The following ASXL2 variants were observed in gnomAD, a reference collection of about 807,000 sequenced individuals.
The protein encoded by ASXL2 is ASXL transcriptional regulator 2.
A neutral mutation model predicts 122.0 loss-of-function variants in ASXL2; 23 were observed. The observed-to-expected ratio is 0.19, with a 90% CI of 0.14 to 0.27. The LOEUF (loss-of-function observed/expected upper bound fraction) is 0.27, where lower values mean the gene tolerates loss of function less well. ASXL2 is among the 10% of genes least tolerant of loss of function. The pLI is 1.00. For missense variants in ASXL2, 1,518 were observed against 1,713.8 expected, an observed-to-expected ratio of 0.89 and a Z score of 2.02; for synonymous variants, 650 against 637.0, an observed-to-expected ratio of 1.02 and a Z score of -0.31.
Position 25,750,108 on chromosome 2 carries a change from G to C in ASXL2, c.1448C>G (p.Pro483Arg). 2 of 1,613,918 alleles carry C rather than the reference G, an allele frequency of 1.2e-6. No individual in the cohort carries two copies. The highest frequency in any genetic ancestry group is 1.7e-6 in the Non-Finnish European group (2 of 1,179,880). Residue 483 changes from proline (P) to arginine (R), a missense_variant, in exon 12 of 13, where the codon CCA (proline) becomes CGA (arginine). Pro to Arg is a moderately radical substitution (Grantham distance 103, BLOSUM62 -2). Coordinates refer to ENST00000435504, the MANE Select transcript of ASXL2 (RefSeq NM_018263.6). Reference sequence around the variant, plus strand: ...CTGCTCCAAGAGATCCTCATCCTTTGGGCACTTGATGGGAAGAATGCTGCT... The same window carrying C: ...CTGCTCCAAGAGATCCTCATCCTTTCGGCACTTGATGGGAAGAATGCTGCT... ...ELSSILPIKC[P>R]KDEDLLEQKP... is the part of the protein sequence containing the mutation.
intron 1 of ASXL2, among the ~76,000 whole-genome samples, chr2:25,860,787 T>G (rs560751590): frequency 1.0e-4 from 15 of 149,930 alleles, no homozygotes; most frequent in African/African-American, 3.7e-4. Context: ...CCGAGGCTGG[T>G]GATCACTTGA....
chr2:25,759,633 CTTT>C lies in ASXL2; in HGVS notation c.785_787del (p.Lys262del), dbSNP rs2088204940. On this transcript the variant is annotated inframe_deletion, in exon 9 of 13. Transcript: ENST00000435504. The stretch of plus-strand genomic sequence containing the variant: ...AACGTCAATGTCAGCACATTTAGTT[CTTT>C]TCATTTGTCCTACAAAAACAGAGAA... 2 of 1,610,674 alleles carry C rather than the reference CTTT, an allele frequency of 1.2e-6. No homozygotes were observed. The highest frequency in any genetic ancestry group is 2.7e-5 in the African/African-American group (2 of 74,842).
At chr2:25,801,794 C>T (rs1032946769) in intron 4 of ASXL2, among the ~76,000 whole-genome samples, 3 of 152,142 alleles carry the variant, frequency 2.0e-5, no homozygotes, top group Non-Finnish European at 4.4e-5. Context: ...CTGAGTATTT[C>T]TTCCAAACAA....
rs1225005861 is a variant in ASXL2, at chr2:25,767,563, G to A, written c.775+20C>T. On this transcript the variant is annotated intron_variant, in intron 8 of 12. Transcript: ENST00000435504. Reference sequence around the variant, plus strand: ...ATAAATCATGGCAATGAAAACTGAAGTCTTTGTAAGCAAACTTACTGGTAT... The same window carrying A: ...ATAAATCATGGCAATGAAAACTGAAATCTTTGTAAGCAAACTTACTGGTAT... 1.2e-6 allele frequency: 2 copies of A among 1,604,518 alleles called. No individual in the cohort carries two copies. Among genetic ancestry groups the A allele is most frequent in the South Asian group, 1.1e-5 (1 of 89,344 alleles).
intron 2 of ASXL2, among the ~76,000 whole-genome samples, chr2:25,844,008 T>C (rs1179822878): frequency 6.6e-6 from 1 of 152,088 alleles, no homozygotes; most frequent in Non-Finnish European, 1.5e-5. Context: ...TCCAACACAA[T>C]GCAAATTTAG....
At chr2:25,832,677 C>G (rs1172105277) in intron 3 of ASXL2, among the ~76,000 whole-genome samples, 1 of 152,178 alleles carries the variant, frequency 6.6e-6, no homozygotes, top group African/African-American at 2.4e-5. Flanking sequence ...AGCAACAGCA[C>G]TTTCTGTACA....
chr2:25,814,290 A>G (rs1408155341), intron 3 of ASXL2, among the ~76,000 whole-genome samples: 2 of 152,210 alleles, frequency 1.3e-5, no homozygotes, highest in Non-Finnish European at 2.9e-5. Context: ...AACAGGACAC[A>G]CTACCCATGA....
In ASXL2 at chr2:25,743,456, C is replaced by G; in HGVS notation, c.2881G>C (p.Asp961His). Residue 961 changes from aspartate (D) to histidine (H), a missense_variant, in exon 13 of 13, where the codon GAT becomes CAT. Around this residue, in one of 8 missense-constraint regions of ASXL2, gnomAD observed 831 missense variants for 833.1 expected, o/e 1.00. Coordinates refer to ENST00000435504, the MANE Select transcript of ASXL2 (RefSeq NM_018263.6). ...PLVTQLLQGKDVPMEQILPKP... is the reference protein window; with the variant it reads ...PLVTQLLQGKHVPMEQILPKP... ...GGCAGAATTTGCTCCATGGGAACAT[C>G]TTTGCCTTGAAGCAGCTGAGTCACT... 6.2e-7 allele frequency: 1 copy of G among 1,613,832 alleles called. No homozygotes were observed. The highest frequency in any genetic ancestry group is 8.5e-7 in the Non-Finnish European group (1 of 1,179,900).
chr2:25,789,321 T>C (rs991954644), intron 5 of ASXL2, among the ~76,000 whole-genome samples: 1 of 152,114 alleles, frequency 6.6e-6, no homozygotes, highest in Non-Finnish European at 1.5e-5. Context: ...CTTACACACA[T>C]GCAAATAATG....
chr2:25,856,876 G>A, intron 1 of ASXL2: 1 of 728,500 alleles, frequency 1.4e-6, no homozygotes, highest in East Asian at 2.5e-5. Flanking sequence ...CAGTCATTCT[G>A]GTCAAAGGGG....
chr2:25,834,634 T>C (rs1382109289), intron 3 of ASXL2, among the ~76,000 whole-genome samples: 1 of 152,134 alleles, frequency 6.6e-6, no homozygotes, highest in African/African-American at 2.4e-5. Context: ...GGCATGACTG[T>C]TGCCCTCAAG....
At chr2:25,808,570 G>T (rs1025136276) in intron 3 of ASXL2, among the ~76,000 whole-genome samples, 2 of 152,174 alleles carry the variant, frequency 1.3e-5, no homozygotes, top group African/African-American at 4.8e-5. Flanking sequence ...GACCTCAGGT[G>T]ATCTGCCCAC....
At chr2:25,814,835 T>C (rs2089214188) in intron 3 of ASXL2, among the ~76,000 whole-genome samples, 1 of 152,160 alleles carries the variant, frequency 6.6e-6, no homozygotes, top group Admixed American at 6.5e-5. Flanking sequence ...CACTGCATGG[T>C]AAAGAGCCAG....
intron 3 of ASXL2, among the ~76,000 whole-genome samples, chr2:25,819,427 T>A (rs1258660548): frequency 6.6e-6 from 1 of 152,178 alleles, no homozygotes. Context: ...ATGGTATCTT[T>A]ACAGTGAAGA....
chr2:25,878,406 C>A lies in ASXL2; in HGVS notation c.-184G>T, dbSNP rs1481794332. 3.3e-6 allele frequency: 2 copies of A among 609,020 alleles called. No individual in the cohort carries two copies. The highest frequency in any genetic ancestry group is 5.8e-6 in the Non-Finnish European group (2 of 345,558). 37.7% of individuals were successfully genotyped at this position (609,020 alleles called of 1,614,324 possible). A position where few individuals can be genotyped will look rare whatever the true frequency, so the allele number is the denominator to read the frequency against. On this transcript the variant is annotated 5_prime_UTR_variant, in exon 1 of 13. Transcript: ENST00000435504. ...GTGCGCGGGGGGGTCTATGGGGCGG[C>A]CGGTCCTCTTGCTGCCGTTGCCACT...
In ASXL2 at chr2:25,806,198, T is replaced by C. The variant is rs750858959; in HGVS notation, c.252+31A>G. 4.8e-6 allele frequency: 7 copies of C among 1,446,002 alleles called. No homozygotes were observed. In the South Asian group the frequency reaches 8.4e-5, roughly 17 times the overall value. 89.6% of individuals were successfully genotyped at this position (1,446,002 alleles called of 1,614,324 possible). A position where few individuals can be genotyped will look rare whatever the true frequency, so the allele number is the denominator to read the frequency against. The stretch of plus-strand genomic sequence containing the variant: ...ATATGTGGTCACTTCCTGTTTTTTC[T>C]TTCTAAATGACTCCCCAACAAAATA... On this transcript the variant is annotated intron_variant, in intron 4 of 12. Transcript: ENST00000435504.
chr2:25,734,275 G>A lies in ASXL2; in HGVS notation c.*7754C>T, dbSNP rs1286302986. ...AGAATCTGTCTCCTTATCTAACAAA[G>A]GGGTAACCAAATCCAAGACTCTGGA... is the stretch of plus-strand genomic sequence containing the variant. On this transcript the variant is annotated 3_prime_UTR_variant, in exon 13 of 13. Transcript: ENST00000435504. 2.6e-5 allele frequency: 4 copies of A among 152,004 alleles called. No homozygotes were observed. Among genetic ancestry groups the A allele is most frequent in the Non-Finnish European group, 5.9e-5 (4 of 67,984 alleles). 9.4% of individuals were successfully genotyped at this position (152,004 alleles called of 1,614,324 possible). A position where few individuals can be genotyped will look rare whatever the true frequency, so the allele number is the denominator to read the frequency against.
chr2:25,858,401 C>T (rs1333779107), intron 1 of ASXL2, among the ~76,000 whole-genome samples: 1 of 151,720 alleles, frequency 6.6e-6, no homozygotes, highest in Non-Finnish European at 1.5e-5. Context: ...CTCCTCATCT[C>T]CATTGTGTCT....
Position 25,741,879 on chromosome 2 carries a change from T to C in ASXL2, c.*150A>G. 1.4e-6 allele frequency: 1 copy of C among 727,728 alleles called. No individual in the cohort carries two copies. 45.1% of individuals were successfully genotyped at this position (727,728 alleles called of 1,614,324 possible). On this transcript the variant is annotated 3_prime_UTR_variant, in exon 13 of 13. Coordinates refer to ENST00000435504, the MANE Select transcript of ASXL2 (RefSeq NM_018263.6). ...CTCTTCCTCTAAAATGTAAAAAATC[T>C]GTACTTTGTATTCCTGATTAAGTAA...
Sources: gnomAD v4.1 joint callset for allele counts (sites outside exome capture counted in the v4.1 genomes callset) on GRCh38, gnomAD v4.1.1 for gene constraint, gnomAD v4.1.1 regional missense constraint, MANE v1.5 for transcripts, NCBI Gene and HGNC (gene_info 2026-07-23, HGNC 2026-07-21) for gene names.